The following HOXB9 variants were observed in gnomAD, a reference collection of about 807,000 sequenced individuals.
HOXB9 encodes homeobox protein Hox-B9.
A neutral mutation model predicts 21.5 loss-of-function variants in HOXB9; 10 were observed. That is an observed-to-expected ratio of 0.47 (90% CI 0.29 to 0.79). HOXB9 has a LOEUF of 0.79. HOXB9 is among the 30% of genes least tolerant of loss of function. HOXB9 has a pLI of 0.10. For missense variants in HOXB9, 375 were observed against 338.7 expected, an observed-to-expected ratio of 1.11 and a Z score of -0.84; for synonymous variants, 156 against 151.2, an observed-to-expected ratio of 1.03 and a Z score of -0.23.
Position 48,625,720 on chromosome 17 carries a change from G to C in HOXB9, c.517+33C>G, listed in dbSNP as rs534521996. 4.1e-6 allele frequency: 6 copies of C among 1,447,286 alleles called. No homozygotes were observed. In the African/African-American group the frequency reaches 7.4e-5, roughly 18 times the overall value. 89.7% of individuals were successfully genotyped at this position (1,447,286 alleles called of 1,614,324 possible). On this transcript the variant is annotated intron_variant, in intron 1 of 1. Coordinates refer to ENST00000311177, the MANE Select transcript of HOXB9 (RefSeq NM_024017.5). ...CCTCCCCGCCCCCCTCCTGGCCTTC[G>C]GCCTGGGTATTTCCTCACTTTTTAT...
chr17:48,622,822 G>T lies in HOXB9; in HGVS notation c.*78C>A, dbSNP rs2070781375. Reference sequence around the variant, plus strand: ...CATTCACTTGAATACATCCCAGACAGCACTGGCTTTGCAGTCGTCACATAA... The same window carrying T: ...CATTCACTTGAATACATCCCAGACATCACTGGCTTTGCAGTCGTCACATAA... On this transcript the variant is annotated 3_prime_UTR_variant, in exon 2 of 2. Transcript: ENST00000311177. The T allele has an allele frequency of 5.7e-6, 6 of 1,047,348 alleles. No homozygotes were observed. In the Middle Eastern group the frequency reaches 1.2e-3, roughly 218 times the overall value. The allele number at this position is 1,047,348 out of a possible 1,614,324, so 64.9% of individuals were successfully genotyped here. A position where few individuals can be genotyped will look rare whatever the true frequency, so the allele number is the denominator to read the frequency against.
At chr17:48,625,604 G>T in intron 1 of HOXB9, 149 bp downstream of exon 1, 1 of 972,404 alleles carries the variant, frequency 1.0e-6, no homozygotes, top group Non-Finnish European at 1.4e-6. Flanking sequence ...CCTTCCCTCC[G>T]TCTTTCCTTC....
intron 1 of HOXB9, among the ~76,000 whole-genome samples, chr17:48,624,871 G>A (rs1317569899): frequency 6.6e-6 from 1 of 152,188 alleles, no homozygotes; most frequent in Non-Finnish European, 1.5e-5. Context: ...AAAGGGTAAA[G>A]TTCTCCGCCT....
intron 1 of HOXB9, among the ~76,000 whole-genome samples, 178 bp downstream of exon 1, chr17:48,625,575 C>T (rs563246089): frequency 2.6e-5 from 4 of 152,246 alleles, no homozygotes; most frequent in African/African-American, 9.6e-5. Flanking sequence ...GTCTCCCCTT[C>T]TAGAGCACGC....
Position 48,626,206 on chromosome 17 carries a change from C to T in HOXB9, c.64G>A (p.Asp22Asn). 1 of 1,599,312 alleles carries T rather than the reference C, an allele frequency of 6.3e-7. No homozygotes were observed. The highest frequency in any genetic ancestry group is 8.5e-7 in the Non-Finnish European group (1 of 1,179,748). ...VDSIISHESEDAPPAKFPSGQ... is the reference protein window; with the variant it reads ...VDSIISHESENAPPAKFPSGQ... ...GAAGGAAACTTGGCTGGAGGCGCGT[C>T]CTCACTCTCGTGACTTATGATCGAG... The change falls in exon 1 of 2, where the codon GAC (aspartate) becomes AAC (asparagine). Residue 22 changes from aspartate (D) to asparagine (N), a missense_variant. By Grantham distance (23) the Asp-to-Asn change is conservative. Transcript: ENST00000311177.
intron 1 of HOXB9, 130 bp from the exon 2 acceptor site, chr17:48,623,265 A>G (rs2070786157): frequency 1.5e-6 from 1 of 676,924 alleles, no homozygotes; most frequent in African/African-American, 1.8e-5. Flanking sequence ...TCAAGCTCCC[A>G]GGAAGGGTGT....
Position 48,622,522 on chromosome 17 carries a change from C to T in HOXB9, c.*378G>A. 4.7e-6 allele frequency: 1 copy of T among 210,700 alleles called. No homozygotes were observed. Among genetic ancestry groups the T allele is most frequent in the Non-Finnish European group, 9.5e-6 (1 of 104,718 alleles). The allele number at this position is 210,700 out of a possible 1,614,324, so 13.1% of individuals were successfully genotyped here. On this transcript the variant is annotated 3_prime_UTR_variant, in exon 2 of 2. Transcript: ENST00000311177. ...CTGAGCTGTGTAGAGTTGGAGTGTC[C>T]CTGGGTGACTTTTGGGTGGGTGTAG... is the stretch of plus-strand genomic sequence containing the variant.
At chr17:48,625,614 C>G in intron 1 of HOXB9, 139 bp downstream of exon 1, 14 of 1,009,588 alleles carry the variant, frequency 1.4e-5, no homozygotes, top group Non-Finnish European at 1.8e-5. Context: ...GTCTTTCCTT[C>G]CTCTCCCCTC....
chr17:48,623,269 A>C (rs1411951751), intron 1 of HOXB9, 134 bp from the exon 2 acceptor site: 2 of 659,132 alleles, frequency 3.0e-6, no homozygotes, highest in Non-Finnish European at 2.6e-6. Flanking sequence ...GCTCCCAGGA[A>C]GGGTGTCACA....
intron 1 of HOXB9, among the ~76,000 whole-genome samples, chr17:48,624,604 T>C (rs1309214439): frequency 2.0e-5 from 3 of 152,010 alleles, no homozygotes; most frequent in Non-Finnish European, 4.4e-5. Context: ...ACTCCGTCAA[T>C]GGGAAATCTA....
At position 48,625,321 on chromosome 17, in the gene HOXB9, C is replaced by T. The variant is rs35566795; in HGVS notation, c.517+432G>A. On this transcript the variant is annotated intron_variant, in intron 1 of 1. Transcript: ENST00000311177. ...GCGTGGCGCGGGGAGCTCTGCCAGCCGCACGGCCCCGGGCAGCCCAGTGCG... is the reference window on the plus strand; with the variant it reads ...GCGTGGCGCGGGGAGCTCTGCCAGCTGCACGGCCCCGGGCAGCCCAGTGCG... 4.4e-3 allele frequency among the ~76,000 whole-genome samples: 673 copies of T among 152,348 alleles called. 1 individual carries two copies. Among genetic ancestry groups the T allele is most frequent in the African/African-American group, 0.015 (631 of 41,590 alleles).
At chr17:48,624,450 C>T (rs1052461106) in intron 1 of HOXB9, among the ~76,000 whole-genome samples, 6 of 151,296 alleles carry the variant, frequency 4.0e-5, no homozygotes, top group Non-Finnish European at 8.8e-5. Flanking sequence ...TGGGAGTGTG[C>T]GGGGAGGGTT....
At chr17:48,624,976 C>T (rs1274012043) in intron 1 of HOXB9, among the ~76,000 whole-genome samples, 1 of 152,194 alleles carries the variant, frequency 6.6e-6, no homozygotes, top group Non-Finnish European at 1.5e-5. Flanking sequence ...CCCCAAGAGG[C>T]GGACAGCCCG....
At position 48,625,864 on chromosome 17, in the gene HOXB9, A is replaced by C. The variant is rs1310392903; in HGVS notation, c.406T>G (p.Tyr136Asp). ...GELLKQGTPE[Y>D]SLETSAGREA... ...CTGCCCGCCGAAGTTTCCAAACTGTACTCGGGCGTGCCCTGTTTGAGCAGC... is the reference window on the plus strand; with the variant it reads ...CTGCCCGCCGAAGTTTCCAAACTGTCCTCGGGCGTGCCCTGTTTGAGCAGC... Residue 136 changes from tyrosine to aspartate, a missense_variant, in exon 1 of 2, where the codon TAC becomes GAC. Coordinates refer to ENST00000311177, the MANE Select transcript of HOXB9 (RefSeq NM_024017.5). 1 of 1,611,406 alleles carries C rather than the reference A, an allele frequency of 6.2e-7. No individual in the cohort carries two copies. Among genetic ancestry groups the C allele is most frequent in the Non-Finnish European group, 8.5e-7 (1 of 1,179,226 alleles).
rs771570884 is a variant in HOXB9, at chr17:48,626,012, G to T, written c.258C>A (p.Gly86=). The T allele has an allele frequency of 8.9e-6, 14 of 1,567,028 alleles. No homozygotes were observed. In the Admixed American group the frequency reaches 2.4e-4, roughly 27 times the overall value. ...SVYHPYIQPQ[G]VPPAESRYLR... is the part of the protein sequence containing the mutation. ...GGTACCTGCTCTCGGCCGGCGGGAC[G>T]CCCTGGGGCTGGATGTAAGGGTGGT... The change falls in exon 1 of 2, where the codon GGC becomes GGA. Residue 86 remains glycine (G), a synonymous_variant. Coordinates refer to ENST00000311177, the MANE Select transcript of HOXB9 (RefSeq NM_024017.5).
chr17:48,626,049 AG>A lies in HOXB9; in HGVS notation c.220del (p.Leu74CysfsTer43). 2 of 1,578,366 alleles carry A rather than the reference AG, an allele frequency of 1.3e-6. No individual in the cohort carries two copies. Among genetic ancestry groups the A allele is most frequent in the African/African-American group, 1.3e-5 (1 of 74,850 alleles). On this transcript the variant is annotated frameshift_variant, in exon 1 of 2. Transcript: ENST00000311177. LOFTEE classifies it high-confidence loss of function. ...GATGTAAGGGTGGTAGACGGACGGCAGGCTCCCGGACGCGTGCGGGCTCAGC... is the reference window on the plus strand; with the variant it reads ...GATGTAAGGGTGGTAGACGGACGGCAGCTCCCGGACGCGTGCGGGCTCAGC... The part of the protein sequence containing the change: ...APLSPHASGS[L>X]PSVYHPYIQP...
intron 1 of HOXB9, among the ~76,000 whole-genome samples, chr17:48,624,456 G>C (rs887786040): frequency 6.6e-6 from 1 of 152,172 alleles, no homozygotes; most frequent in African/African-American, 2.4e-5. Flanking sequence ...TGTGCGGGGA[G>C]GGTTGGGGAA....
chr17:48,622,715 GAA>G lies in HOXB9; in HGVS notation c.*183_*184del. 1.8e-6 allele frequency: 1 copy of G among 565,278 alleles called. No individual in the cohort carries two copies. Among genetic ancestry groups the G allele is most frequent in the Non-Finnish European group, 3.1e-6 (1 of 317,874 alleles). The allele number at this position is 565,278 out of a possible 1,614,324, so 35.0% of individuals were successfully genotyped here. A position where few individuals can be genotyped will look rare whatever the true frequency, so the allele number is the denominator to read the frequency against. On this transcript the variant is annotated 3_prime_UTR_variant, in exon 2 of 2. Coordinates refer to ENST00000311177, the MANE Select transcript of HOXB9 (RefSeq NM_024017.5). ...AAAACTTTCTCCTGACACCTAGAGA[GAA>G]GAGAGAGACAGGTAAGGGCAAAGGA...
intron 1 of HOXB9, among the ~76,000 whole-genome samples, chr17:48,625,517 C>T (rs1567677491): frequency 1.3e-5 from 2 of 152,232 alleles, no homozygotes; most frequent in Non-Finnish European, 2.9e-5. Flanking sequence ...AGCCCCTGTT[C>T]CCCGCAGGAC....
Sources: gnomAD v4.1 joint callset for allele counts (sites outside exome capture counted in the v4.1 genomes callset) on GRCh38, gnomAD v4.1.1 for gene constraint, MANE v1.5 for transcripts, NCBI Gene and HGNC (gene_info 2026-07-23, HGNC 2026-07-21) for gene names.